Variants in CPXM2 observed in about 807,000 individuals in gnomAD.
The protein encoded by CPXM2 is carboxypeptidase X, M14 family member 2, also known as inactive carboxypeptidase-like protein X2.
A neutral mutation model predicts 86.1 loss-of-function variants in CPXM2; 66 were observed. The observed-to-expected ratio is 0.77, with a 90% CI of 0.63 to 0.94. The LOEUF (loss-of-function observed/expected upper bound fraction) is 0.94, where lower values mean the gene tolerates loss of function less well. Among genes scored for constraint, CPXM2 ranks in the 40% least tolerant of loss-of-function variants. The pLI is 0.00. For missense variants in CPXM2, 948 were observed against 1,026.3 expected, an observed-to-expected ratio of 0.92 and a Z score of 1.04; for synonymous variants, 388 against 400.2, an observed-to-expected ratio of 0.97 and a Z score of 0.36.
intron 3 of CPXM2, among the ~76,000 whole-genome samples, chr10:123,860,434 G>A (rs768852190): frequency 5.3e-5 from 8 of 152,182 alleles, no homozygotes; most frequent in Non-Finnish European, 7.3e-5. Context: ...CACACCCTGC[G>A]TGGCACTCTG....
At chr10:123,805,560 A>G (rs1847560488) in intron 4 of CPXM2, among the ~76,000 whole-genome samples, 1 of 152,162 alleles carries the variant, frequency 6.6e-6, no homozygotes. Context: ...GACAGAGAAC[A>G]TACTTTAAAT....
chr10:123,853,515 T>G (rs1848645726), intron 3 of CPXM2, among the ~76,000 whole-genome samples: 1 of 152,222 alleles, frequency 6.6e-6, no homozygotes, highest in African/African-American at 2.4e-5. Context: ...TGCTCAGCAT[T>G]GTTTCCTCAG....
chr10:123,751,829 C>G (rs1405295308), intron 13 of CPXM2: 1 of 985,204 alleles, frequency 1.0e-6, no homozygotes, highest in African/African-American at 1.7e-5. Context: ...TGGAGTTTAT[C>G]TGTCATGAGA....
rs148621668 is a variant in CPXM2, at chr10:123,761,908, T to A, written c.1741A>T (p.Thr581Ser). 1 of 1,613,724 alleles carries A rather than the reference T, an allele frequency of 6.2e-7. No individual in the cohort carries two copies. The highest frequency in any genetic ancestry group is 1.7e-5 in the Admixed American group (1 of 59,976). Residue 581 changes from threonine to serine, a missense_variant, in exon 11 of 14, where the codon ACT (threonine) becomes TCT (serine). Coordinates refer to ENST00000241305, the MANE Select transcript of CPXM2 (RefSeq NM_198148.3). ...GTGTGCCAGGAGGCCCCATTGACAG[T>A]GCCCTCCTCCTTCTGGAAGTCCTCC... is the stretch of plus-strand genomic sequence containing the variant. ...HTEDFQKEEG[T>S]VNGASWHTVA...
intron 12 of CPXM2, among the ~76,000 whole-genome samples, chr10:123,756,778 A>G (rs765982919): frequency 3.3e-5 from 5 of 152,216 alleles, no homozygotes; most frequent in Admixed American, 6.5e-5. Context: ...AGGTGGCAAG[A>G]TGGCAGCCGA....
chr10:123,857,989 T>C (rs1003181771), intron 3 of CPXM2, among the ~76,000 whole-genome samples: 2 of 152,166 alleles, frequency 1.3e-5, no homozygotes, highest in African/African-American at 4.8e-5. Flanking sequence ...CAGGTGCTGA[T>C]ACTTGGTCCC....
chr10:123,894,618 T>C (rs1945319550), upstream of CPXM2, among the ~76,000 whole-genome samples: 1 of 152,180 alleles, frequency 6.6e-6, no homozygotes, highest in Non-Finnish European at 1.5e-5. Context: ...CTCATTCTCT[T>C]GGTTTGCAAG....
chr10:123,853,964 C>A (rs1590068341), intron 3 of CPXM2, among the ~76,000 whole-genome samples: 1 of 152,042 alleles, frequency 6.6e-6, no homozygotes, highest in East Asian at 1.9e-4. Context: ...TCCTCCTCTC[C>A]TTTTTTCTCC....
At chr10:123,750,414 C>A (rs762155689) in intron 13 of CPXM2, 13 of 977,956 alleles carry the variant, frequency 1.3e-5, no homozygotes, top group African/African-American at 1.8e-5. Context: ...TGACTCTGAG[C>A]CTTTGCAATT....
chr10:123,845,841 A>G (rs1848483708), intron 3 of CPXM2, among the ~76,000 whole-genome samples: 1 of 152,212 alleles, frequency 6.6e-6, no homozygotes, highest in Non-Finnish European at 1.5e-5. Flanking sequence ...TAAAAGGAAC[A>G]CACACAAAGA....
intron 6 of CPXM2, among the ~76,000 whole-genome samples, chr10:123,788,736 G>T (rs1458005776): frequency 6.6e-6 from 1 of 152,200 alleles, no homozygotes; most frequent in East Asian, 1.9e-4. Flanking sequence ...TCACTGTCAG[G>T]TTCAGGGAGG....
At chr10:123,886,691 C>T (rs1945182634) in intron 1 of CPXM2, among the ~76,000 whole-genome samples, 2 of 152,202 alleles carry the variant, frequency 1.3e-5, no homozygotes, top group African/African-American at 2.4e-5. Flanking sequence ...TTAAAGACTA[C>T]ATATCCAAGC....
chr10:123,811,150 CTT>C (rs372146234), intron 4 of CPXM2, among the ~76,000 whole-genome samples: 3,190 of 145,588 alleles, frequency 0.022, 44 homozygotes, highest in Non-Finnish European at 0.031. Flanking sequence ...TTTCTTTTTT[CTT>C]TTTTTTTTTA....
chr10:123,864,509 C>T (rs1413992320), intron 2 of CPXM2, among the ~76,000 whole-genome samples: 4 of 152,222 alleles, frequency 2.6e-5, no homozygotes, highest in Admixed American at 2.0e-4. Flanking sequence ...CCAAAAGGAT[C>T]TGCTGCCATC....
At position 123,751,117 on chromosome 10, in the gene CPXM2, A is replaced by G. The variant is rs374553545; in HGVS notation, c.2017+3546T>C. The stretch of plus-strand genomic sequence containing the variant: ...CTCTGGCCAAGAGATGGATGAAAGA[A>G]GTATGCAGACACAGGTATTTTGCCT... On this transcript the variant is annotated intron_variant, in intron 13 of 13. Transcript: ENST00000241305. The G allele has an allele frequency of 5.1e-5, 48 of 941,810 alleles. No individual in the cohort carries two copies. In the East Asian group the frequency reaches 3.8e-3, roughly 75 times the overall value. 58.3% of individuals were successfully genotyped at this position (941,810 alleles called of 1,614,324 possible).
At chr10:123,806,239 G>T (rs962537415) in intron 4 of CPXM2, among the ~76,000 whole-genome samples, 5 of 151,984 alleles carry the variant, frequency 3.3e-5, no homozygotes, top group Non-Finnish European at 7.4e-5. Flanking sequence ...TGATATTTTT[G>T]TTGGGAATTC....
At chr10:123,863,593 T>C (rs1230005281) in intron 2 of CPXM2, among the ~76,000 whole-genome samples, 1 of 152,166 alleles carries the variant, frequency 6.6e-6, no homozygotes, top group Non-Finnish European at 1.5e-5. Context: ...ATGTTCACTC[T>C]CCATCCTGCC....
At chr10:123,756,269 G>C (rs1210640881) in intron 12 of CPXM2, among the ~76,000 whole-genome samples, 1 of 152,246 alleles carries the variant, frequency 6.6e-6, no homozygotes, top group African/African-American at 2.4e-5. Flanking sequence ...CCTGAGGCTT[G>C]ACACTTGTTT....
At chr10:123,803,564 A>G (rs1488177023) in intron 4 of CPXM2, among the ~76,000 whole-genome samples, 1 of 152,140 alleles carries the variant, frequency 6.6e-6, no homozygotes, top group South Asian at 2.1e-4. Context: ...AAAAAACGTT[A>G]TTGCTTTACC....
Sources: gnomAD v4.1 joint callset for allele counts (sites outside exome capture counted in the v4.1 genomes callset) on GRCh38, gnomAD v4.1.1 for gene constraint, MANE v1.5 for transcripts, NCBI Gene and HGNC (gene_info 2026-07-23, HGNC 2026-07-21) for gene names.